ABLIM3: variants seen among roughly 807,000 people sequenced by gnomAD.
The protein encoded by ABLIM3 is actin binding LIM protein family member 3.
A neutral mutation model predicts 109.5 loss-of-function variants in ABLIM3; 61 were observed. The ratio of observed to expected loss-of-function variants is 0.56; its 90% confidence interval spans 0.45 to 0.69. The LOEUF (loss-of-function observed/expected upper bound fraction) is 0.69. Ranked by LOEUF, ABLIM3 falls within the 30% of genes least tolerant of loss-of-function variation. ABLIM3 has a pLI of 0.00. For synonymous variants in ABLIM3, 300 were observed against 324.8 expected, an observed-to-expected ratio of 0.92 and a Z score of 0.82; for missense variants, 796 against 889.5, an observed-to-expected ratio of 0.89 and a Z score of 1.34.
rs1466367976 is a variant in ABLIM3 at position 149,258,407 on chromosome 5, A to C, written c.*3A>C. ...AGAAGCAAGCCCGGCTGTTCTAGGC[A>C]GAGGCTCTATAAATATATATGCATT... On this transcript the variant is annotated 3_prime_UTR_variant, in exon 24 of 24. Transcript: ENST00000309868. 6.2e-7 allele frequency: 1 copy of C among 1,613,116 alleles called. No homozygotes were observed. Among genetic ancestry groups the C allele is most frequent in the Non-Finnish European group, 8.5e-7 (1 of 1,179,748 alleles).
chr5:149,151,152 G>A (rs1358170327), intron 2 of ABLIM3, among the ~76,000 whole-genome samples: 5 of 152,168 alleles, frequency 3.3e-5, no homozygotes, highest in Non-Finnish European at 7.3e-5. Flanking sequence ...TGAAAGCTGC[G>A]AGACAAATGT....
At chr5:149,167,710 GCCCT>G in intron 2 of ABLIM3, among the ~76,000 whole-genome samples, 1 of 152,136 alleles carries the variant, frequency 6.6e-6, no homozygotes, top group Non-Finnish European at 1.5e-5. Flanking sequence ...TACCGTCCCT[GCCCT>G]CATCAAGCTT....
At chr5:149,170,172 G>A (rs895319794) in intron 2 of ABLIM3, among the ~76,000 whole-genome samples, 1 of 150,482 alleles carries the variant, frequency 6.6e-6, no homozygotes, top group African/African-American at 2.5e-5. Flanking sequence ...AAGCACAGTG[G>A]CTTCAGATCC....
At chr5:149,172,304 C>G (rs2127461934) in intron 2 of ABLIM3, among the ~76,000 whole-genome samples, 1 of 152,260 alleles carries the variant, frequency 6.6e-6, no homozygotes, top group African/African-American at 2.4e-5. Flanking sequence ...TCTGATTGTA[C>G]TAAGTTTTGA....
chr5:149,166,504 G>GC (rs1246289380), intron 2 of ABLIM3, among the ~76,000 whole-genome samples: 1 of 152,146 alleles, frequency 6.6e-6, no homozygotes, highest in African/African-American at 2.4e-5. Flanking sequence ...TAAGTGACTT[G>GC]CCCCAAGTCT....
At position 149,198,576 on chromosome 5, in the gene ABLIM3, C is replaced by T. The variant is rs913142734; in HGVS notation, c.335+174C>T. The stretch of plus-strand genomic sequence containing the variant: ...GGCCAGTGGTTTTCAAACACTGTAG[C>T]ATCTGAATCTTTCTTATAAAATACA... On this transcript the variant is annotated intron_variant, in intron 4 of 23. Coordinates refer to ENST00000309868, the MANE Select transcript of ABLIM3 (RefSeq NM_014945.5). The surrounding 1 kb of genome is among the most constrained non-coding windows in gnomAD (Gnocchi z 4.2). 6.6e-6 allele frequency among the ~76,000 whole-genome samples: 1 copy of T among 152,200 alleles called. No homozygotes were observed. The highest frequency in any genetic ancestry group is 1.5e-5 in the Non-Finnish European group (1 of 68,026).
intron 2 of ABLIM3, among the ~76,000 whole-genome samples, chr5:149,181,388 AT>A (rs1756443256): frequency 1.1e-4 from 16 of 152,186 alleles, no homozygotes; most frequent in Admixed American, 1.0e-3. Flanking sequence ...AGTTTTTGAA[AT>A]ATTTTGCATG....
chr5:149,154,799 C>T (rs770886279), intron 2 of ABLIM3, among the ~76,000 whole-genome samples: 3 of 152,198 alleles, frequency 2.0e-5, no homozygotes, highest in Non-Finnish European at 2.9e-5. Flanking sequence ...CTGCTGAGTC[C>T]TGCACACTCA....
chr5:149,178,149 C>T (rs1756129770), intron 2 of ABLIM3, among the ~76,000 whole-genome samples: 2 of 152,062 alleles, frequency 1.3e-5, no homozygotes, highest in Admixed American at 6.6e-5. Flanking sequence ...AAACCGGAGG[C>T]CCCTGCTGTG....
At chr5:149,156,206 G>T (rs1314921172) in intron 2 of ABLIM3, among the ~76,000 whole-genome samples, 1 of 152,220 alleles carries the variant, frequency 6.6e-6, no homozygotes, top group Non-Finnish European at 1.5e-5. Flanking sequence ...AAACTGAGAA[G>T]GCTAGATCGT....
At chr5:149,247,451 G>A (rs1047611749) in intron 17 of ABLIM3, among the ~76,000 whole-genome samples, 1 of 152,194 alleles carries the variant, frequency 6.6e-6, no homozygotes, top group African/African-American at 2.4e-5. Context: ...TTGAAGTTAA[G>A]TAATTTTCAC....
intron 2 of ABLIM3, among the ~76,000 whole-genome samples, chr5:149,177,684 C>A (rs1297166187): frequency 6.6e-6 from 1 of 152,090 alleles, no homozygotes; most frequent in Non-Finnish European, 1.5e-5. Flanking sequence ...AACTAGCAAA[C>A]CTTTGCTGGA....
At chr5:149,172,505 G>C (rs1166360094) in intron 2 of ABLIM3, among the ~76,000 whole-genome samples, 1 of 152,156 alleles carries the variant, frequency 6.6e-6, no homozygotes, top group African/African-American at 2.4e-5. Context: ...CCTCATTTCA[G>C]AATATTCTGT....
chr5:149,231,044 C>T (rs770379266), intron 9 of ABLIM3, among the ~76,000 whole-genome samples: 10 of 152,122 alleles, frequency 6.6e-5, no homozygotes, highest in Non-Finnish European at 1.3e-4. Context: ...TAAGGTCACT[C>T]GTTAATAATA....
At chr5:149,215,363 T>C (rs541851770) in intron 7 of ABLIM3, among the ~76,000 whole-genome samples, 1 of 152,250 alleles carries the variant, frequency 6.6e-6, no homozygotes, top group African/African-American at 2.4e-5. Context: ...GTCTCATTGG[T>C]GCGAGGCCAT....
chr5:149,200,187 A>C (rs1019595358), intron 4 of ABLIM3, 129 bp from the exon 5 acceptor site: 6 of 755,262 alleles, frequency 7.9e-6, no homozygotes, highest in Non-Finnish European at 1.4e-5. Flanking sequence ...TGTGAACAGC[A>C]TTTGAATTTG....
At chr5:149,214,390 C>T (rs771898093) in intron 7 of ABLIM3, among the ~76,000 whole-genome samples, 2 of 152,166 alleles carry the variant, frequency 1.3e-5, no homozygotes, top group Admixed American at 6.5e-5. Flanking sequence ...TTCTATCAGC[C>T]GGCACGCCCG....
chr5:149,205,330 A>G (rs1223701637), intron 5 of ABLIM3, among the ~76,000 whole-genome samples: 1 of 152,164 alleles, frequency 6.6e-6, no homozygotes, highest in Non-Finnish European at 1.5e-5. Flanking sequence ...GATTAAGCAG[A>G]GGAGGGTGCC....
At chr5:149,222,254 G>A (rs1467533658) in intron 8 of ABLIM3, among the ~76,000 whole-genome samples, 6 of 151,876 alleles carry the variant, frequency 4.0e-5, no homozygotes, top group East Asian at 3.9e-4. Flanking sequence ...TTATCCTCAC[G>A]ACAACCCTGT....
Sources: allele counts gnomAD v4.1 joint callset (sites outside exome capture counted in the v4.1 genomes callset), GRCh38; gene constraint gnomAD v4.1.1; non-coding constraint Gnocchi (gnomAD v3.1); transcripts MANE v1.5; gene names NCBI Gene and HGNC (gene_info 2026-07-23, HGNC 2026-07-21).